KLF5: variants seen among roughly 807,000 people sequenced by gnomAD.
KLF5 encodes the protein Krueppel-like factor 5.
Under a neutral mutation model 36.9 loss-of-function variants are expected in KLF5, and 9 were observed. That is an observed-to-expected ratio of 0.24 (90% confidence interval 0.15 to 0.43). The LOEUF (loss-of-function observed/expected upper bound fraction) is 0.43, where lower values mean the gene tolerates loss of function less well. Ranked by LOEUF, KLF5 falls within the 20% of genes least tolerant of loss-of-function variation. The pLI is 1.00. For synonymous variants in KLF5, 246 were observed against 241.7 expected (o/e 1.02, Z -0.17); for missense variants, 524 against 599.5 (o/e 0.87, Z 1.31).
intron 2 of KLF5, among the ~76,000 whole-genome samples, chr13:73,063,196 G>T (rs933404900): frequency 3.3e-5 from 5 of 152,144 alleles, no homozygotes; most frequent in Non-Finnish European, 7.4e-5. Context: ...AGTGGAGGTT[G>T]CAGGCAGCTA....
chr13:73,077,288 T>TA lies in KLF5; in HGVS notation c.*1405dup, dbSNP rs1474932061. On this transcript the variant is annotated 3_prime_UTR_variant, in exon 4 of 4. Transcript: ENST00000377687. The stretch of plus-strand genomic sequence containing the variant: ...TTAGAAAAGTTGCTCTTAAAAGATG[T>TA]AAATAGATGACAAACGATGTAAATA... 2.0e-5 allele frequency: 3 copies of TA among 152,632 alleles called. No homozygotes were observed. Among genetic ancestry groups the TA allele is most frequent in the Non-Finnish European group, 2.9e-5 (2 of 68,034 alleles). 9.5% of individuals were successfully genotyped at this position (152,632 alleles called of 1,614,324 possible). A position where few individuals can be genotyped will look rare whatever the true frequency, so the allele number is the denominator to read the frequency against.
At chr13:73,061,157 A>G (rs1448251541) in intron 1 of KLF5, among the ~76,000 whole-genome samples, 1 of 152,218 alleles carries the variant, frequency 6.6e-6, no homozygotes, top group South Asian at 2.1e-4. Flanking sequence ...AGGGATATGA[A>G]TAGGAACATT....
intron 3 of KLF5, among the ~76,000 whole-genome samples, chr13:73,067,664 C>T (rs945892885): frequency 3.9e-5 from 6 of 152,214 alleles, no homozygotes; most frequent in Non-Finnish European, 7.4e-5. Flanking sequence ...CTTTGAACAA[C>T]ACACACTTGG....
rs1338481467 is a variant in KLF5, at chr13:73,061,852, C to CT, written c.262-3dup. 7 of 1,605,620 alleles carry CT rather than the reference C, an allele frequency of 4.4e-6. No homozygotes were observed. In the East Asian group the frequency reaches 8.9e-5, roughly 21 times the overall value. ...GTGGATTATGCATTTTATATCTCTT[C>CT]TTTTTTAGACAAGATGTGAAATGGA... On this transcript the variant is annotated splice_polypyrimidine_tract_variant and intron_variant, in intron 1 of 3. Transcript: ENST00000377687.
At chr13:73,061,116 T>C (rs1594392693) in intron 1 of KLF5, among the ~76,000 whole-genome samples, 1 of 152,294 alleles carries the variant, frequency 6.6e-6, no homozygotes, top group Admixed American at 6.5e-5. Flanking sequence ...GGAGTGATTT[T>C]CCCCTAGGTA....
In KLF5 at chr13:73,062,613, T is replaced by A. The variant is rs2044645771; in HGVS notation, c.1014T>A (p.Ile338=). The stretch of plus-strand genomic sequence containing the variant: ...CTACAATTGCTTCTAAACTGGCAAT[T>A]CACAATCCAAATTTACCCACCACCC... ...YAATIASKLA[I]HNPNLPTTLP... The change falls in exon 2 of 4, where the codon ATT becomes ATA. Residue 338 remains isoleucine, a synonymous_variant. Transcript: ENST00000377687. 2 of 1,614,078 alleles carry A rather than the reference T, an allele frequency of 1.2e-6. No individual in the cohort carries two copies. The highest frequency in any genetic ancestry group is 1.3e-5 in the African/African-American group (1 of 74,932).
intron 1 of KLF5, among the ~76,000 whole-genome samples, chr13:73,060,850 G>C (rs899959645): frequency 1.1e-4 from 16 of 152,158 alleles, no homozygotes. Context: ...GCTGGAAAAG[G>C]CTTGAGGCGA....
At chr13:73,060,368 A>C (rs1261600901) in intron 1 of KLF5, among the ~76,000 whole-genome samples, 1 of 152,254 alleles carries the variant, frequency 6.6e-6, no homozygotes, top group Non-Finnish European at 1.5e-5. Context: ...AAGGAAAAAA[A>C]AATTGGAAAC....
Position 73,076,267 on chromosome 13 carries a change from T to C in KLF5, c.*381T>C, listed in dbSNP as rs1475155703. The C allele has an allele frequency of 5.8e-6, 1 of 171,798 alleles. No individual in the cohort carries two copies. Among genetic ancestry groups the C allele is most frequent in the African/African-American group, 2.4e-5 (1 of 42,272 alleles). The allele number at this position is 171,798 out of a possible 1,614,324, so 10.6% of individuals were successfully genotyped here. On this transcript the variant is annotated 3_prime_UTR_variant, in exon 4 of 4. Transcript: ENST00000377687. ...CAGTTGGCAGGCACCAGAAGAAGAATGGATTGTATGTCAAGATTTTACTTG... is the reference window on the plus strand; with the variant it reads ...CAGTTGGCAGGCACCAGAAGAAGAACGGATTGTATGTCAAGATTTTACTTG...
In KLF5 at chr13:73,077,344, G is replaced by A. The variant is rs1030360152; in HGVS notation, c.*1458G>A. 2 of 152,536 alleles carry A rather than the reference G, an allele frequency of 1.3e-5. No individual in the cohort carries two copies. The highest frequency in any genetic ancestry group is 2.9e-5 in the Non-Finnish European group (2 of 68,022). 9.4% of individuals were successfully genotyped at this position (152,536 alleles called of 1,614,324 possible). A position where few individuals can be genotyped will look rare whatever the true frequency, so the allele number is the denominator to read the frequency against. ...GTAAGAGGCTTCAAAATGTTTATAC[G>A]TGGAAACACACCTACATGAAAAGCA... On this transcript the variant is annotated 3_prime_UTR_variant, in exon 4 of 4. Transcript: ENST00000377687.
Position 73,059,464 on chromosome 13 carries a change from TC to T in KLF5, c.141del (p.Gly48AlafsTer4), listed in dbSNP as rs1254291470. 1.6e-6 allele frequency: 2 copies of T among 1,275,824 alleles called. No individual in the cohort carries two copies. Among genetic ancestry groups the T allele is most frequent in the Non-Finnish European group, 2.0e-6 (2 of 1,011,702 alleles). 79.0% of individuals were successfully genotyped at this position (1,275,824 alleles called of 1,614,324 possible). On this transcript the variant is annotated frameshift_variant, in exon 1 of 4. Coordinates refer to ENST00000377687, the MANE Select transcript of KLF5 (RefSeq NM_001730.5). LOFTEE classifies it high-confidence loss of function. The stretch of plus-strand genomic sequence containing the variant: ...AATCCGGCCCGCGACGCGGCGCTCT[TC>T]CCCGGCGAGGAGCTGAAGCACGCGC... ...AANPARDAAL[F>X]PGEELKHAHH... is the part of the protein sequence containing the mutation.
Position 73,062,793 on chromosome 13 carries a change from G to GTGTC in KLF5, c.1135+62_1135+63insCTGT, listed in dbSNP as rs1555336905. On this transcript the variant is annotated intron_variant, in intron 2 of 3. Coordinates refer to ENST00000377687, the MANE Select transcript of KLF5 (RefSeq NM_001730.5). The stretch of plus-strand genomic sequence containing the variant: ...ATGTAGTGTGTGTGTGTGTGTGTCT[G>GTGTC]TGTGCGCGCGCGTGTGCGTGTGTGC... 1.4e-5 allele frequency: 19 copies of GTGTC among 1,392,582 alleles called. No individual in the cohort carries two copies. In the African/African-American group the frequency reaches 3.1e-4, roughly 23 times the overall value. 86.3% of individuals were successfully genotyped at this position (1,392,582 alleles called of 1,614,324 possible). A position where few individuals can be genotyped will look rare whatever the true frequency, so the allele number is the denominator to read the frequency against.
At chr13:73,057,700 A>T (rs147874246), upstream of KLF5, among the ~76,000 whole-genome samples, 562 of 152,256 alleles carry the variant, frequency 3.7e-3, 1 homozygote, top group Middle Eastern at 0.017. Flanking sequence ...AAGCTGTTTT[A>T]CTCTGAAGTG....
chr13:73,065,143 A>G (rs541449728), intron 3 of KLF5, among the ~76,000 whole-genome samples: 113 of 152,372 alleles, frequency 7.4e-4, no homozygotes, highest in Non-Finnish European at 1.2e-3. Flanking sequence ...AGTATTCAAC[A>G]GTTCCTTTGA....
At chr13:73,068,052 G>A (rs2044693762) in intron 3 of KLF5, among the ~76,000 whole-genome samples, 1 of 151,726 alleles carries the variant, frequency 6.6e-6, no homozygotes, top group African/African-American at 2.4e-5. Flanking sequence ...TGTTGGCCAG[G>A]CTGGTCTCGA....
chr13:73,064,105 G>A (rs182599893), intron 3 of KLF5, among the ~76,000 whole-genome samples: 18 of 150,430 alleles, frequency 1.2e-4, no homozygotes, highest in Non-Finnish European at 2.4e-4. Flanking sequence ...AGGCCTTCTT[G>A]CCCTGTCACC....
rs1366888170 is a variant in KLF5, at chr13:73,076,783, GGGTGTC to G, written c.*899_*904del. On this transcript the variant is annotated 3_prime_UTR_variant, in exon 4 of 4. Coordinates refer to ENST00000377687, the MANE Select transcript of KLF5 (RefSeq NM_001730.5). ...TGTCATTTTTAAAAAGAAGGACTTA[GGGTGTC>G]GTTTTCACATATGACAATGTTGCAT... 6.6e-6 allele frequency: 1 copy of G among 152,196 alleles called. No homozygotes were observed. The highest frequency in any genetic ancestry group is 1.5e-5 in the Non-Finnish European group (1 of 68,040). The allele number at this position is 152,196 out of a possible 1,614,324, so 9.4% of individuals were successfully genotyped here. A position where few individuals can be genotyped will look rare whatever the true frequency, so the allele number is the denominator to read the frequency against.
At chr13:73,068,088 G>T (rs979649651) in intron 3 of KLF5, among the ~76,000 whole-genome samples, 2 of 151,560 alleles carry the variant, frequency 1.3e-5, no homozygotes, top group Non-Finnish European at 2.9e-5. Flanking sequence ...TGATCCACCC[G>T]CCCCAGCCTC....
chr13:73,069,128 A>G (rs914647696), intron 3 of KLF5, among the ~76,000 whole-genome samples: 3 of 152,160 alleles, frequency 2.0e-5, no homozygotes, highest in Non-Finnish European at 2.9e-5. Flanking sequence ...TAAAAAATCG[A>G]TAATATTGAC....
Sources: gnomAD v4.1 joint callset for allele counts (sites outside exome capture counted in the v4.1 genomes callset) on GRCh38, gnomAD v4.1.1 for gene constraint, MANE v1.5 for transcripts, NCBI Gene and HGNC (gene_info 2026-07-23, HGNC 2026-07-21) for gene names.